Variants in PTPRT observed in about 807,000 individuals in gnomAD.
PTPRT encodes protein tyrosine phosphatase receptor type T.
In PTPRT, 56 loss-of-function variants were observed where a neutral mutation model predicts 176.8. The observed-to-expected ratio is 0.32, with a 90% CI of 0.26 to 0.40. PTPRT has a LOEUF of 0.40. PTPRT is among the 10% of genes least tolerant of loss of function. The pLI, the probability that PTPRT is intolerant of heterozygous loss-of-function variation, is 1.00. For missense variants in PTPRT, 1,540 were observed against 1,908.2 expected, an observed-to-expected ratio of 0.81 and a Z score of 3.60; for synonymous variants, 783 against 739.0, an observed-to-expected ratio of 1.06 and a Z score of -0.96.
intron 1 of PTPRT, among the ~76,000 whole-genome samples, chr20:42,967,047 G>A (rs1982338079): frequency 6.6e-6 from 1 of 152,164 alleles, no homozygotes; most frequent in South Asian, 2.1e-4. Flanking sequence ...ACCTCGGGAG[G>A]TGATATGACT....
At chr20:42,455,147 T>C (rs1302234495) in intron 8 of PTPRT, among the ~76,000 whole-genome samples, 3 of 152,060 alleles carry the variant, frequency 2.0e-5, no homozygotes, top group Non-Finnish European at 4.4e-5. Flanking sequence ...TAAAAATGAA[T>C]TAATAGGGAA....
At chr20:42,389,436 T>C (rs1013549876) in intron 9 of PTPRT, among the ~76,000 whole-genome samples, 2 of 152,146 alleles carry the variant, frequency 1.3e-5, no homozygotes, top group Admixed American at 1.3e-4. Context: ...TTGAATGTGT[T>C]CCCCCAAAAC....
chr20:42,302,688 T>C (rs1016071), intron 12 of PTPRT, among the ~76,000 whole-genome samples: 71,691 of 152,020 alleles, frequency 0.47, 17,527 homozygotes, highest in Non-Finnish European at 0.55. Context: ...GAACTGTAAC[T>C]TATTTATCTG....
At chr20:42,996,221 G>A (rs1286572178) in intron 1 of PTPRT, among the ~76,000 whole-genome samples, 1 of 152,156 alleles carries the variant, frequency 6.6e-6, no homozygotes, top group Non-Finnish European at 1.5e-5. Context: ...ACACATGTGA[G>A]CAACTTCTAT....
intron 1 of PTPRT, among the ~76,000 whole-genome samples, chr20:43,138,395 C>T (rs2013901059): frequency 1.3e-5 from 2 of 152,252 alleles, no homozygotes; most frequent in African/African-American, 4.8e-5. Context: ...TGACTTCCTC[C>T]TTCCCAGTCC....
At chr20:42,484,538 T>C (rs1331845181) in intron 7 of PTPRT, among the ~76,000 whole-genome samples, 3 of 152,154 alleles carry the variant, frequency 2.0e-5, no homozygotes, top group Admixed American at 2.0e-4. Flanking sequence ...TCTGCCAAGA[T>C]ATGACATCAG....
At chr20:42,213,057 C>A (rs1303469177) in intron 15 of PTPRT, among the ~76,000 whole-genome samples, 1 of 152,252 alleles carries the variant, frequency 6.6e-6, no homozygotes, top group East Asian at 1.9e-4. Context: ...GCTTGAGCAC[C>A]ACCGATGCGG....
chr20:42,823,634 G>A (rs1600793990), intron 2 of PTPRT, among the ~76,000 whole-genome samples: 1 of 152,066 alleles, frequency 6.6e-6, no homozygotes, highest in East Asian at 1.9e-4. Flanking sequence ...GCGCCCATCT[G>A]AAGCCAAAGA....
rs1600480474 is a variant in PTPRT at position 42,617,701 on chromosome 20, T to C, written c.1153+60165A>G. 2.9e-5 allele frequency among the ~76,000 whole-genome samples: 4 copies of C among 139,802 alleles called. No homozygotes were observed. The South Asian group carries it at 6.7e-4, about 23-fold the overall frequency. The allele number at this position is 139,802 out of a possible 152,430, so 91.7% of individuals were successfully genotyped here. On this transcript the variant is annotated intron_variant, in intron 7 of 30. Transcript: ENST00000373187. ...ATGTGTTGAGGAGTTTATCCATTTC[T>C]TCTAGATTTTCTAGTTTATTTGCGT...
chr20:43,139,880 T>C lies in PTPRT; in HGVS notation c.88+49766A>G, dbSNP rs191653004. On this transcript the variant is annotated intron_variant, in intron 1 of 30. Transcript: ENST00000373187. ...GAATGAGGGGACAAAAGGCTTCTTG[T>C]ACGATAAGGAGACAAAAGCCTCCAA... 7.2e-4 allele frequency among the ~76,000 whole-genome samples: 110 copies of C among 152,284 alleles called. No individual in the cohort carries two copies. In the East Asian group the frequency reaches 0.02, roughly 27 times the overall value.
intron 1 of PTPRT, among the ~76,000 whole-genome samples, chr20:43,047,477 A>G (rs756710400): frequency 1.1e-4 from 17 of 152,158 alleles, no homozygotes; most frequent in Non-Finnish European, 2.2e-4. Context: ...TGTTTTGCTA[A>G]TGTCTGAGAG....
At chr20:42,109,727 T>A (rs1986842492) in intron 23 of PTPRT, among the ~76,000 whole-genome samples, 1 of 152,180 alleles carries the variant, frequency 6.6e-6, no homozygotes, top group Non-Finnish European at 1.5e-5. Flanking sequence ...GGAATGTTAA[T>A]AATGCCCACC....
At chr20:42,936,178 A>C (rs1980176551) in intron 1 of PTPRT, among the ~76,000 whole-genome samples, 1 of 152,258 alleles carries the variant, frequency 6.6e-6, no homozygotes, top group East Asian at 1.9e-4. Flanking sequence ...ACAGCTATAG[A>C]GAAAGCAAAA....
intron 1 of PTPRT, among the ~76,000 whole-genome samples, chr20:42,962,787 G>A (rs1982066941): frequency 6.6e-6 from 1 of 152,114 alleles, no homozygotes; most frequent in Non-Finnish European, 1.5e-5. Context: ...GCCTAACCAG[G>A]CCAGGCGCGG....
At chr20:42,531,941 G>C (rs2072391782) in intron 7 of PTPRT, among the ~76,000 whole-genome samples, 1 of 152,192 alleles carries the variant, frequency 6.6e-6, no homozygotes, top group Admixed American at 6.5e-5. Flanking sequence ...CTGTCTGCTG[G>C]AGCTGGGAAG....
intron 6 of PTPRT, among the ~76,000 whole-genome samples, chr20:42,749,016 C>A (rs1448204466): frequency 2.0e-5 from 3 of 152,164 alleles, no homozygotes; most frequent in Non-Finnish European, 4.4e-5. Flanking sequence ...GGTCTCAACG[C>A]CATGTGCCTT....
At chr20:42,741,305 G>C (rs952597915) in intron 6 of PTPRT, among the ~76,000 whole-genome samples, 15 of 152,130 alleles carry the variant, frequency 9.9e-5, no homozygotes, top group African/African-American at 3.6e-4. Flanking sequence ...GAGCCCTTTT[G>C]TGCAAAAGCA....
chr20:42,175,911 G>A (rs1990272237), intron 16 of PTPRT, among the ~76,000 whole-genome samples: 1 of 152,140 alleles, frequency 6.6e-6, no homozygotes, highest in Admixed American at 6.5e-5. Flanking sequence ...TCTGAATGAA[G>A]ATATCAAGGA....
intron 2 of PTPRT, among the ~76,000 whole-genome samples, chr20:42,851,696 C>T (rs1269118059): frequency 6.6e-6 from 1 of 152,206 alleles, no homozygotes; most frequent in Admixed American, 6.5e-5. Flanking sequence ...GCAACCATAT[C>T]GTCTCTTTTG....
Sources: gnomAD v4.1 joint callset for allele counts (sites outside exome capture counted in the v4.1 genomes callset) on GRCh38, gnomAD v4.1.1 for gene constraint, MANE v1.5 for transcripts, NCBI Gene and HGNC (gene_info 2026-07-23, HGNC 2026-07-21) for gene names.